The following ZNF486 variants were observed in gnomAD, a reference collection of about 807,000 sequenced individuals.
The protein encoded by ZNF486 is zinc finger protein 486.
ZNF486 carries 12 observed loss-of-function variants against 12.8 expected under a neutral mutation model. The observed-to-expected ratio is 0.94, with a 90% CI of 0.60 to 1.52. The LOEUF (loss-of-function observed/expected upper bound fraction) is 1.52, where lower values mean the gene tolerates loss of function less well. ZNF486 is among the 40% of genes most tolerant of loss of function. ZNF486 has a pLI of 0.00. For missense variants in ZNF486, 738 were observed against 545.0 expected, an observed-to-expected ratio of 1.35 and a Z score of -3.53; for synonymous variants, 231 against 184.9, an observed-to-expected ratio of 1.25 and a Z score of -2.02.
intron 3 of ZNF486, among the ~76,000 whole-genome samples, chr19:20,186,784 G>GTTT (rs57907168): frequency 0.056 from 6,813 of 122,334 alleles, 459 homozygotes; most frequent in African/African-American, 0.15. Context: ...ATTTTCATAG[G>GTTT]TTTTTTTTTT....
At position 20,195,359 on chromosome 19, in the gene ZNF486, G is replaced by T. The variant is rs565153084; in HGVS notation, c.254-1605G>T. Among the ~76,000 whole-genome samples, 10 of 152,266 alleles carry T rather than the reference G, an allele frequency of 6.6e-5. No individual in the cohort carries two copies. The East Asian group carries it at 1.5e-3, about 23-fold the overall frequency. ...AATTTTTGTATTTTTAGTAGATACA[G>T]GGTTTCACCATGTTGGCCAGGCTGG... On this transcript the variant is annotated intron_variant, in intron 3 of 3. Transcript: ENST00000335117.
At chr19:20,181,583 G>T (rs1352936182) in intron 1 of ZNF486, among the ~76,000 whole-genome samples, 2 of 151,630 alleles carry the variant, frequency 1.3e-5, no homozygotes, top group African/African-American at 4.9e-5. Flanking sequence ...GTATTTTAGG[G>T]TCTTAGTTTT....
intron 1 of ZNF486, among the ~76,000 whole-genome samples, chr19:20,181,128 C>T (rs1329461288): frequency 6.6e-6 from 1 of 152,088 alleles, no homozygotes. Flanking sequence ...TAGGTCTGAC[C>T]CTACCCTGGA....
Position 20,197,622 on chromosome 19 carries a change from C to T in ZNF486, c.912C>T (p.Asn304=). The T allele has an allele frequency of 6.2e-7, 1 of 1,613,634 alleles. No homozygotes were observed. The highest frequency in any genetic ancestry group is 8.5e-7 in the Non-Finnish European group (1 of 1,179,798). The part of the protein sequence containing the change: ...YKCKECDKAF[N]HPATLSSHKK... The stretch of plus-strand genomic sequence containing the variant: ...GTAAAGAATGTGACAAAGCTTTTAA[C>T]CATCCTGCAACTCTTTCTTCACATA... Residue 304 remains asparagine (N), a synonymous_variant, in exon 4 of 4, where the codon AAC becomes AAT. Transcript: ENST00000335117.
intron 1 of ZNF486, among the ~76,000 whole-genome samples, chr19:20,167,869 C>T (rs2089602174): frequency 6.6e-6 from 1 of 151,774 alleles, no homozygotes; most frequent in East Asian, 1.9e-4. Context: ...TCTTCAAAGA[C>T]TCAACTTCCT....
intron 3 of ZNF486, among the ~76,000 whole-genome samples, chr19:20,193,598 T>A (rs1283206409): frequency 6.6e-6 from 1 of 152,078 alleles, no homozygotes; most frequent in Non-Finnish European, 1.5e-5. Context: ...AAGGCGGACG[T>A]TGCAGTGAGC....
At chr19:20,168,303 G>A (rs1421842311) in intron 1 of ZNF486, among the ~76,000 whole-genome samples, 1 of 151,898 alleles carries the variant, frequency 6.6e-6, no homozygotes, top group African/African-American at 2.4e-5. Context: ...AGGTTGCAGT[G>A]AGCTGAGACC....
intron 1 of ZNF486, among the ~76,000 whole-genome samples, chr19:20,179,550 T>A (rs2089761845): frequency 6.6e-6 from 1 of 152,174 alleles, no homozygotes; most frequent in African/African-American, 2.4e-5. Flanking sequence ...CTCTTTTGAC[T>A]GTACTCCACT....
In ZNF486 at chr19:20,190,724, C is replaced by A. The variant is rs114416094; in HGVS notation, c.253+4642C>A. Reference sequence around the variant, plus strand: ...TAATAAAACTTGGTATGTGTCCTAACAGATTATACCAGATGCAAATAAGAA... The same window carrying A: ...TAATAAAACTTGGTATGTGTCCTAAAAGATTATACCAGATGCAAATAAGAA... On this transcript the variant is annotated intron_variant, in intron 3 of 3. Transcript: ENST00000335117. Among the ~76,000 whole-genome samples, 1,415 of 152,320 alleles carry A rather than the reference C, an allele frequency of 9.3e-3. 25 individuals are homozygous for A. Among genetic ancestry groups the A allele is most frequent in the African/African-American group, 0.032 (1,345 of 41,566 alleles).
At chr19:20,189,417 A>G (rs1383353286) in intron 3 of ZNF486, among the ~76,000 whole-genome samples, 3 of 152,320 alleles carry the variant, frequency 2.0e-5, no homozygotes, top group African/African-American at 7.2e-5. Flanking sequence ...GAACATTTAT[A>G]ACATTTTTAA....
In ZNF486 at chr19:20,197,054, G is replaced by T. The variant is rs997946870; in HGVS notation, c.344G>T (p.Cys115Phe). Residue 115 changes from cysteine to phenylalanine, a missense_variant, in exon 4 of 4, where the codon TGT becomes TTT. By Grantham distance (205) the Cys-to-Phe change is radical. Transcript: ENST00000335117. ...GTGATACTGAGAAAATTTGAAAAAT[G>T]TGGACATGGCAATTTACACTTTAAA... ...QKVILRKFEK[C>F]GHGNLHFKKG... is the part of the protein sequence containing the mutation. The T allele has an allele frequency of 3.7e-6, 6 of 1,611,724 alleles. No individual in the cohort carries two copies. In the Admixed American group the frequency reaches 8.4e-5, roughly 23 times the overall value.
chr19:20,175,638 A>T (rs369942415), intron 1 of ZNF486, among the ~76,000 whole-genome samples: 8 of 152,046 alleles, frequency 5.3e-5, no homozygotes, highest in Non-Finnish European at 1.0e-4. Context: ...CAGAGAGCAC[A>T]GGGTTGGGGG....
Position 20,198,248 on chromosome 19 carries a change from G to A in ZNF486, c.*146G>A, listed in dbSNP as rs1473280177. ...TCTCCTTAGTAGCTAGGATTACAGG[G>A]CTGCACCACCACACCTGGCTAATTT... is the stretch of plus-strand genomic sequence containing the variant. On this transcript the variant is annotated 3_prime_UTR_variant, in exon 4 of 4. Transcript: ENST00000335117. 4.5e-6 allele frequency: 3 copies of A among 670,092 alleles called. No individual in the cohort carries two copies. Among genetic ancestry groups the A allele is most frequent in the African/African-American group, 3.7e-5 (2 of 54,764 alleles). 41.5% of individuals were successfully genotyped at this position (670,092 alleles called of 1,614,324 possible).
Position 20,197,236 on chromosome 19 carries a change from C to A in ZNF486, c.526C>A (p.His176Asn). ...FSNSKRHKRR[H>N]TEKKPLKYIE... ...AAATTCAAAGAGACATAAAAGAAGACATACTGAAAAAAAACCTTTGAAATA... is the reference window on the plus strand; with the variant it reads ...AAATTCAAAGAGACATAAAAGAAGAAATACTGAAAAAAAACCTTTGAAATA... Residue 176 changes from histidine (H) to asparagine (N), a missense_variant, in exon 4 of 4, where the codon CAT becomes AAT. His to Asn is a moderately conservative substitution (Grantham distance 68). Coordinates refer to ENST00000335117, the MANE Select transcript of ZNF486 (RefSeq NM_052852.4). The A allele has an allele frequency of 6.2e-7, 1 of 1,611,668 alleles. No individual in the cohort carries two copies. The highest frequency in any genetic ancestry group is 8.5e-7 in the Non-Finnish European group (1 of 1,179,354).
chr19:20,184,357 A>T lies in ZNF486; in HGVS notation c.32A>T (p.Glu11Val). The change falls in exon 2 of 4, where the codon GAA becomes GTA. Residue 11 changes from glutamate to valine, a missense_variant and splice_region_variant. Physicochemically the swap from Glu to Val is moderately radical, Grantham distance 121. Transcript: ENST00000335117. MPGPLRSLEM[E>V]SLQFRDVAVE... ...TGTGTGTGTGTGTGTGTTTTTCAGG[A>T]ATCATTGCAATTTAGAGATGTGGCT... The T allele has an allele frequency of 6.2e-7, 1 of 1,612,720 alleles. No individual in the cohort carries two copies. The highest frequency in any genetic ancestry group is 1.3e-5 in the African/African-American group (1 of 74,958).
rs2089965621 is a variant in ZNF486 at position 20,197,073 on chromosome 19, C to G, written c.363C>G (p.His121Gln). 1 of 1,611,968 alleles carries G rather than the reference C, an allele frequency of 6.2e-7. No individual in the cohort carries two copies. Among genetic ancestry groups the G allele is most frequent in the African/African-American group, 1.3e-5 (1 of 74,758 alleles). The change falls in exon 4 of 4, where the codon CAC (histidine) becomes CAG (glutamine). Residue 121 changes from histidine to glutamine, a missense_variant. By Grantham distance (24) the His-to-Gln change is conservative. Coordinates refer to ENST00000335117, the MANE Select transcript of ZNF486 (RefSeq NM_052852.4). Reference sequence around the variant, plus strand: ...AAAAATGTGGACATGGCAATTTACACTTTAAAAAAGGCTGTGAAAGTGTGG... The same window carrying G: ...AAAAATGTGGACATGGCAATTTACAGTTTAAAAAAGGCTGTGAAAGTGTGG... Reference protein sequence around the residue: ...KFEKCGHGNLHFKKGCESVDE... With the variant: ...KFEKCGHGNLQFKKGCESVDE...
chr19:20,177,245 ACTC>A (rs1416429966), intron 1 of ZNF486, among the ~76,000 whole-genome samples: 5 of 152,160 alleles, frequency 3.3e-5, no homozygotes, highest in Non-Finnish European at 7.3e-5. Flanking sequence ...GTACAGAGCC[ACTC>A]CTCTAAACTG....
At chr19:20,191,236 C>A (rs1369831563) in intron 3 of ZNF486, among the ~76,000 whole-genome samples, 2 of 152,052 alleles carry the variant, frequency 1.3e-5, no homozygotes, top group Admixed American at 1.3e-4. Flanking sequence ...CTTTGGGAGG[C>A]CGAGGCGGGT....
intron 3 of ZNF486, among the ~76,000 whole-genome samples, chr19:20,194,060 CAAT>C (rs143538061): frequency 0.032 from 4,856 of 152,014 alleles, 282 homozygotes; most frequent in African/African-American, 0.11. Context: ...CAGATGTTAA[CAAT>C]AATTTCTATA....
Sources: gnomAD v4.1 joint callset for allele counts (sites outside exome capture counted in the v4.1 genomes callset) on GRCh38, gnomAD v4.1.1 for gene constraint, MANE v1.5 for transcripts, NCBI Gene and HGNC (gene_info 2026-07-23, HGNC 2026-07-21) for gene names.